The following PCDHA12 variants were observed in gnomAD, a reference collection of about 807,000 sequenced individuals.
The protein encoded by PCDHA12 is protocadherin alpha 12.
Under a neutral mutation model 60.0 loss-of-function variants are expected in PCDHA12, and 44 were observed. The observed-to-expected ratio is 0.73, with a 90% confidence interval of 0.58 to 0.94. The LOEUF (loss-of-function observed/expected upper bound fraction) is 0.94, where lower values mean the gene tolerates loss of function less well. PCDHA12 is among the 40% of genes least tolerant of loss of function. The pLI, the probability that PCDHA12 is intolerant of heterozygous loss-of-function variation, is 0.00. For synonymous variants in PCDHA12, 569 were observed against 553.0 expected, an observed-to-expected ratio of 1.03 and a Z score of -0.40; for missense variants, 1,276 against 1,239.7, an observed-to-expected ratio of 1.03 and a Z score of -0.44.
At chr5:141,008,843 G>A (rs1474787733) in intron 3 of PCDHA12, among the ~76,000 whole-genome samples, 7 of 152,114 alleles carry the variant, frequency 4.6e-5, no homozygotes, top group Non-Finnish European at 1.0e-4. Context: ...CTTACGCTGT[G>A]TATTCCCATC....
rs367864661 is a variant in PCDHA12, at chr5:140,877,028, C to T, written c.1556C>T (p.Ala519Val). The T allele has an allele frequency of 6.2e-7, 1 of 1,612,352 alleles. No individual in the cohort carries two copies. Among genetic ancestry groups the T allele is most frequent in the Non-Finnish European group, 8.5e-7 (1 of 1,179,802 alleles). The change falls in exon 1 of 4, where the codon GCG becomes GTG. Residue 519 changes from alanine to valine, a missense_variant. Physicochemically the swap from Ala to Val is moderately conservative, Grantham distance 64 (BLOSUM62 0). Transcript: ENST00000398631. ...SVHAESGKVY[A>V]LQPLDHEELE... ...CACGCGGAGAGCGGCAAGGTGTACG[C>T]GCTGCAGCCGCTAGACCACGAGGAG...
At chr5:140,955,823 T>C (rs1189753862) in intron 1 of PCDHA12, among the ~76,000 whole-genome samples, 1 of 152,208 alleles carries the variant, frequency 6.6e-6, no homozygotes, top group African/African-American at 2.4e-5. Flanking sequence ...GTGATTTCCT[T>C]GAGCAGTGGT....
At chr5:140,977,599 AC>A (rs782213571) in intron 1 of PCDHA12, among the ~76,000 whole-genome samples, 1 of 152,150 alleles carries the variant, frequency 6.6e-6, no homozygotes, top group Non-Finnish European at 1.5e-5. Context: ...GCATGTGAGG[AC>A]CATTGAGGTA....
rs529585383 is a variant in PCDHA12 at position 140,982,571 on chromosome 5, G to T, written c.2515+8G>T. 243 of 1,613,888 alleles carry T rather than the reference G, an allele frequency of 1.5e-4. 4 individuals carry two copies. The South Asian group carries it at 2.5e-3, about 17-fold the overall frequency. ...TATCCAGTGCAACACCAGGTAAAGAGCTGGGGTCTCTCCATTCTTTCTTGG... is the reference window on the plus strand; with the variant it reads ...TATCCAGTGCAACACCAGGTAAAGATCTGGGGTCTCTCCATTCTTTCTTGG... On this transcript the variant is annotated splice_region_variant and intron_variant, in intron 3 of 3. Transcript: ENST00000398631.
rs782102743 is a variant in PCDHA12, at chr5:140,875,972, T to C, written c.500T>C (p.Leu167Pro). 5 of 1,614,068 alleles carry C rather than the reference T, an allele frequency of 3.1e-6. No individual in the cohort carries two copies. The highest frequency in any genetic ancestry group is 4.2e-6 in the Non-Finnish European group (5 of 1,179,926). ...GATGCGGATATCGGCGTAAACTCTC[T>C]TTTGACCTATGCGTTAAGTCTAAAT... ...ASDADIGVNS[L>P]LTYALSLNEN... Residue 167 changes from leucine to proline, a missense_variant, in exon 1 of 4, where the codon CTT (leucine) becomes CCT (proline). Leu to Pro is a moderately conservative substitution (Grantham distance 98, BLOSUM62 -3). Transcript: ENST00000398631.
intron 1 of PCDHA12, chr5:140,967,878 A>G: frequency 6.2e-7 from 1 of 1,614,152 alleles, no homozygotes; most frequent in Non-Finnish European, 8.5e-7. Flanking sequence ...ACGGACCTGT[A>G]TAGCCCAGTG....
At chr5:140,894,503 T>C (rs934592222) in intron 1 of PCDHA12, among the ~76,000 whole-genome samples, 1 of 152,016 alleles carries the variant, frequency 6.6e-6, no homozygotes. Context: ...TTAGGCATTA[T>C]CCATAGTGTT....
At chr5:141,006,837 TG>T (rs1477008780) in intron 3 of PCDHA12, among the ~76,000 whole-genome samples, 2 of 152,186 alleles carry the variant, frequency 1.3e-5, no homozygotes, top group African/African-American at 4.8e-5. Context: ...TGTAATTTAC[TG>T]AAACTGGAAA....
intron 1 of PCDHA12, among the ~76,000 whole-genome samples, chr5:140,915,973 T>G (rs1472373994): frequency 3.9e-5 from 6 of 152,150 alleles, no homozygotes; most frequent in African/African-American, 1.4e-4. Context: ...TGATATTTTA[T>G]TTGACTACGG....
At chr5:140,958,995 T>G (rs868959473) in intron 1 of PCDHA12, among the ~76,000 whole-genome samples, 1 of 152,148 alleles carries the variant, frequency 6.6e-6, no homozygotes, top group African/African-American at 2.4e-5. Flanking sequence ...TGCTAATCTT[T>G]TACTGTACCT....
chr5:140,974,544 T>C (rs1393611069), intron 1 of PCDHA12, among the ~76,000 whole-genome samples: 1 of 152,232 alleles, frequency 6.6e-6, no homozygotes, highest in Non-Finnish European at 1.5e-5. Context: ...GGAGTTTTGC[T>C]CTTGTTGCCC....
intron 1 of PCDHA12, among the ~76,000 whole-genome samples, chr5:140,971,016 A>G (rs1554232958): frequency 6.6e-6 from 1 of 152,208 alleles, no homozygotes; most frequent in African/African-American, 2.4e-5. Flanking sequence ...AAGTCTTTAG[A>G]TCGTAGCATT....
intron 3 of PCDHA12, among the ~76,000 whole-genome samples, chr5:140,995,371 C>T (rs143381591): frequency 1.3e-5 from 2 of 152,238 alleles, no homozygotes; most frequent in African/African-American, 2.4e-5. Flanking sequence ...GGATGATTCA[C>T]GTACTGGGCA....
chr5:140,927,317 G>A lies in PCDHA12; in HGVS notation c.2367+49478G>A, dbSNP rs782172424. ...CCCGAGTTCCTGACGCCCGGAGCCCGCTTTACTCTCCCGAATGCCCAAGAT... is the reference window on the plus strand; with the variant it reads ...CCCGAGTTCCTGACGCCCGGAGCCCACTTTACTCTCCCGAATGCCCAAGAT... On this transcript the variant is annotated intron_variant, in intron 1 of 3. Coordinates refer to ENST00000398631, the MANE Select transcript of PCDHA12 (RefSeq NM_018903.4). 3.2e-5 allele frequency: 52 copies of A among 1,614,146 alleles called. 1 individual carries two copies. The South Asian group carries it at 5.2e-4, about 16-fold the overall frequency.
intron 1 of PCDHA12, among the ~76,000 whole-genome samples, chr5:140,978,653 G>T (rs527551897): frequency 6.6e-6 from 1 of 152,196 alleles, no homozygotes; most frequent in Non-Finnish European, 1.5e-5. Flanking sequence ...TGTTCTTCCC[G>T]TAGTGTTTTA....
At chr5:140,926,190 ACTT>A (rs1468050055) in intron 1 of PCDHA12, among the ~76,000 whole-genome samples, 2 of 151,766 alleles carry the variant, frequency 1.3e-5, no homozygotes, top group South Asian at 2.2e-4. Flanking sequence ...CCCCCGCAGC[ACTT>A]CTTTCGGGGG....
rs1554213921 is a variant in PCDHA12 at position 140,941,202 on chromosome 5, C to CTTTCTTTCTTTCTTTCTTT, written c.2368-37747_2368-37746insTTTCTTTCTTTCTTTCTTT. ...TCCTGCTTCTTTTTTTTTCTTTCTT[C>CTTTCTTTCTTTCTTTCTTT]CTTTCTTTCTTCCTTTCTTTCTTTC... On this transcript the variant is annotated intron_variant, in intron 1 of 3. Coordinates refer to ENST00000398631, the MANE Select transcript of PCDHA12 (RefSeq NM_018903.4). Among the ~76,000 whole-genome samples the CTTTCTTTCTTTCTTTCTTT allele has an allele frequency of 8.2e-4, 101 of 122,784 alleles. 3 individuals carry two copies. Among genetic ancestry groups the CTTTCTTTCTTTCTTTCTTT allele is most frequent in the East Asian group, 3.5e-3 (16 of 4,514 alleles). The allele number at this position is 122,784 out of a possible 152,430, so 80.6% of individuals were successfully genotyped here. A position where few individuals can be genotyped will look rare whatever the true frequency, so the allele number is the denominator to read the frequency against.
intron 1 of PCDHA12, chr5:140,928,983 G>T: frequency 6.2e-7 from 1 of 1,613,838 alleles, no homozygotes; most frequent in Non-Finnish European, 8.5e-7. Flanking sequence ...TATTTCTGGG[G>T]TGCTTACTTT....
At chr5:140,923,714 A>G (rs1396629400) in intron 1 of PCDHA12, among the ~76,000 whole-genome samples, 7 of 152,250 alleles carry the variant, frequency 4.6e-5, no homozygotes, top group African/African-American at 1.4e-4. Context: ...TACTTGAATA[A>G]GAATGCAATG....
Sources: allele counts gnomAD v4.1 joint callset (sites outside exome capture counted in the v4.1 genomes callset), GRCh38; gene constraint gnomAD v4.1.1; transcripts MANE v1.5; gene names NCBI Gene and HGNC (gene_info 2026-07-23, HGNC 2026-07-21).